ZNF343: variants seen among roughly 807,000 people sequenced by gnomAD.
The protein encoded by ZNF343 is zinc finger protein 343.
A neutral mutation model predicts 13.8 loss-of-function variants in ZNF343; 11 were observed. That is an observed-to-expected ratio of 0.80 (90% CI 0.50 to 1.32). The LOEUF (loss-of-function observed/expected upper bound fraction) is 1.32. Ranked by LOEUF, ZNF343 falls within the 40% of genes most tolerant of loss-of-function variation. The pLI, the probability that ZNF343 is intolerant of heterozygous loss-of-function variation, is 0.00. For synonymous variants in ZNF343, 248 were observed against 260.0 expected, an observed-to-expected ratio of 0.95 and a Z score of 0.44; for missense variants, 658 against 714.2, an observed-to-expected ratio of 0.92 and a Z score of 0.90.
Position 2,482,784 on chromosome 20 carries a change from T to A in ZNF343, c.*377A>T. On this transcript the variant is annotated 3_prime_UTR_variant, in exon 6 of 6. Transcript: ENST00000278772. Reference sequence around the variant, plus strand: ...CTGAGGGCCACTCTGTGCCTGAGTGTCCATTCTTTTACTGATGCTCCCCAA... The same window carrying A: ...CTGAGGGCCACTCTGTGCCTGAGTGACCATTCTTTTACTGATGCTCCCCAA... 4.5e-6 allele frequency: 1 copy of A among 221,454 alleles called. No individual in the cohort carries two copies. The highest frequency in any genetic ancestry group is 9.0e-6 in the Non-Finnish European group (1 of 111,166). 13.7% of individuals were successfully genotyped at this position (221,454 alleles called of 1,614,324 possible).
At chr20:2,503,854 G>T (rs2045260233) in intron 1 of ZNF343, among the ~76,000 whole-genome samples, 1 of 151,990 alleles carries the variant, frequency 6.6e-6, no homozygotes, top group South Asian at 2.1e-4. Flanking sequence ...ACAAGAGAAA[G>T]CAGGAAAAAT....
rs754982603 is a variant in ZNF343, at chr20:2,493,801, A to C, written c.95T>G (p.Leu32Trp). The change falls in exon 3 of 6, where the codon TTG (leucine) becomes TGG (tryptophan). Residue 32 changes from leucine to tryptophan, a missense_variant. Transcript: ENST00000278772. Reference protein sequence around the residue: ...NGENVETMKKLTQNHKAKGLP... With the variant: ...NGENVETMKKWTQNHKAKGLP... ...ACCTTTCGCTTTATGATTTTGGGTC[A>C]ATTTCTTCATAGTCTCTACATTTTC... 6.2e-7 allele frequency: 1 copy of C among 1,613,664 alleles called. No individual in the cohort carries two copies. Among genetic ancestry groups the C allele is most frequent in the Non-Finnish European group, 8.5e-7 (1 of 1,179,684 alleles).
intron 1 of ZNF343, among the ~76,000 whole-genome samples, chr20:2,521,470 T>A (rs776913503): frequency 1.4e-4 from 21 of 152,092 alleles, no homozygotes; most frequent in Non-Finnish European, 2.2e-4. Context: ...GGAGCCCAAA[T>A]CCAGATGTAG....
Position 2,482,938 on chromosome 20 carries a change from C to A in ZNF343, c.*223G>T. The stretch of plus-strand genomic sequence containing the variant: ...TCCTAAGTGTGTCCTTTTGTGCATG[C>A]TCAAGGCTGACTGATGGCTACAGTT... On this transcript the variant is annotated 3_prime_UTR_variant, in exon 6 of 6. Coordinates refer to ENST00000278772, the MANE Select transcript of ZNF343 (RefSeq NM_024325.6). The A allele has an allele frequency of 1.8e-6, 1 of 570,012 alleles. No individual in the cohort carries two copies. The highest frequency in any genetic ancestry group is 3.1e-6 in the Non-Finnish European group (1 of 326,584). The allele number at this position is 570,012 out of a possible 1,614,324, so 35.3% of individuals were successfully genotyped here. A position where few individuals can be genotyped will look rare whatever the true frequency, so the allele number is the denominator to read the frequency against.
intron 1 of ZNF343, among the ~76,000 whole-genome samples, chr20:2,502,177 A>G (rs745447717): frequency 6.6e-6 from 1 of 152,258 alleles, no homozygotes; most frequent in Non-Finnish European, 1.5e-5. Context: ...CACAAGCCTC[A>G]GTAGCCGACT....
intron 2 of ZNF343, among the ~76,000 whole-genome samples, chr20:2,499,464 CAAAAAAAAAAAA>C (rs35155995): frequency 4.5e-5 from 3 of 66,534 alleles, no homozygotes; most frequent in Non-Finnish European, 5.4e-5. Flanking sequence ...GACTCCGTCT[CAAAAAAAAAAAA>C]AAAAAAAAAA....
intron 1 of ZNF343, among the ~76,000 whole-genome samples, chr20:2,514,735 A>G (rs1247345907): frequency 6.6e-6 from 1 of 152,166 alleles, no homozygotes; most frequent in African/African-American, 2.4e-5. Flanking sequence ...TAGTTCCAGC[A>G]CTTTGGGAGG....
chr20:2,519,232 C>T (rs1207641280), intron 1 of ZNF343, among the ~76,000 whole-genome samples: 1 of 152,146 alleles, frequency 6.6e-6, no homozygotes, highest in Non-Finnish European at 1.5e-5. Context: ...ACTCACTACC[C>T]ACACCCTGCC....
chr20:2,511,548 A>G (rs910714678), upstream of ZNF343, among the ~76,000 whole-genome samples: 7 of 152,296 alleles, frequency 4.6e-5, no homozygotes, highest in Non-Finnish European at 8.8e-5. Flanking sequence ...GTTATTCATC[A>G]CGTGAATAAA....
chr20:2,506,972 T>C (rs2085669354), intron 1 of ZNF343, among the ~76,000 whole-genome samples: 1 of 149,342 alleles, frequency 6.7e-6, no homozygotes, highest in Non-Finnish European at 1.5e-5. Flanking sequence ...AAAAATAAAA[T>C]GAGTGGGCCA....
At chr20:2,495,198 C>A (rs2085437830) in intron 2 of ZNF343, among the ~76,000 whole-genome samples, 1 of 152,188 alleles carries the variant, frequency 6.6e-6, no homozygotes, top group African/African-American at 2.4e-5. Flanking sequence ...GGCCATCATA[C>A]CATATTGCAA....
intron 1 of ZNF343, among the ~76,000 whole-genome samples, chr20:2,504,386 T>C (rs747447129): frequency 2.0e-5 from 3 of 152,212 alleles, no homozygotes; most frequent in Non-Finnish European, 4.4e-5. Flanking sequence ...GAGGAGCTGG[T>C]ACCATTCCTT....
rs1432439637 is a variant in ZNF343 at position 2,518,888 on chromosome 20, C to T, written c.-347+5567G>A. ...GATTGGCTCATGGGGGTGGTTTCAT[C>T]CATGCTGTCCTCATGATAGTGAGTT... On this transcript the variant is annotated intron_variant, in intron 1 of 6. Coordinates refer to the ZNF343 transcript ENST00000358413. This position sits in a 1 kb window ranked among gnomAD's most constrained non-coding sequence, Gnocchi z 4.6. 1.3e-5 allele frequency among the ~76,000 whole-genome samples: 2 copies of T among 152,152 alleles called. No homozygotes were observed. The highest frequency in any genetic ancestry group is 1.5e-5 in the Non-Finnish European group (1 of 68,040).
At chr20:2,501,065 A>G (rs2085556117) in intron 1 of ZNF343, among the ~76,000 whole-genome samples, 1 of 152,124 alleles carries the variant, frequency 6.6e-6, no homozygotes, top group Admixed American at 6.5e-5. Context: ...CTAGTCAAAG[A>G]AAGGGGTGAG....
Position 2,483,821 on chromosome 20 carries a change from G to C in ZNF343, c.1140C>G (p.Pro380=). The change falls in exon 6 of 6, where the codon CCC becomes CCG. Residue 380 remains proline, a synonymous_variant. Transcript: ENST00000278772. ...TTCGTCCACACTCCAGGCACACATAGGGTTTCTCACCGGAGTGTGTCCTCT... is the reference window on the plus strand; with the variant it reads ...TTCGTCCACACTCCAGGCACACATACGGTTTCTCACCGGAGTGTGTCCTCT... ...RHQRTHSGEK[P]YVCLECGRSF... The C allele has an allele frequency of 6.2e-7, 1 of 1,607,958 alleles. No individual in the cohort carries two copies. The highest frequency in any genetic ancestry group is 8.5e-7 in the Non-Finnish European group (1 of 1,178,266).
chr20:2,497,019 G>A (rs772375703), intron 2 of ZNF343, among the ~76,000 whole-genome samples: 3 of 152,178 alleles, frequency 2.0e-5, no homozygotes, highest in African/African-American at 4.8e-5. Flanking sequence ...GACAGAGGTT[G>A]CGGTGAGCCG....
intron 1 of ZNF343, chr20:2,524,379 C>A (rs1329647822): frequency 6.6e-6 from 1 of 152,260 alleles, no homozygotes; most frequent in Admixed American, 6.5e-5. Flanking sequence ...CAAATGCTTA[C>A]CCTGGCAGAG....
At chr20:2,504,489 CACA>C (rs544471226) in intron 1 of ZNF343, among the ~76,000 whole-genome samples, 32 of 152,238 alleles carry the variant, frequency 2.1e-4, no homozygotes, top group African/African-American at 7.5e-4. Context: ...CTGGCAGAGA[CACA>C]ACAACAACAT....
rs2085174831 is a variant in ZNF343, at chr20:2,482,177, T to G, written c.*984A>C. 6.6e-6 allele frequency: 1 copy of G among 152,194 alleles called. No individual in the cohort carries two copies. The highest frequency in any genetic ancestry group is 2.4e-5 in the African/African-American group (1 of 41,434). The allele number at this position is 152,194 out of a possible 1,614,324, so 9.4% of individuals were successfully genotyped here. Reference sequence around the variant, plus strand: ...AAGCTTGTCCCAAAAAAGCTGTTCTTTGATGAGGACTTTTTCCTAAGTCCT... The same window carrying G: ...AAGCTTGTCCCAAAAAAGCTGTTCTGTGATGAGGACTTTTTCCTAAGTCCT... On this transcript the variant is annotated 3_prime_UTR_variant, in exon 6 of 6. Coordinates refer to ENST00000278772, the MANE Select transcript of ZNF343 (RefSeq NM_024325.6).
Sources: allele counts gnomAD v4.1 joint callset (sites outside exome capture counted in the v4.1 genomes callset), GRCh38; gene constraint gnomAD v4.1.1; non-coding constraint Gnocchi (gnomAD v3.1); transcripts MANE v1.5; gene names NCBI Gene and HGNC (gene_info 2026-07-23, HGNC 2026-07-21).